Variants in LTBP4 observed in about 807,000 individuals in gnomAD.
The protein encoded by LTBP4 is latent transforming growth factor beta binding protein 4.
Under a neutral mutation model 180.2 loss-of-function variants are expected in LTBP4, and 93 were observed. The observed-to-expected ratio is 0.52, with a 90% CI of 0.44 to 0.61. The LOEUF is 0.61. LTBP4 is among the 20% of genes least tolerant of loss of function. LTBP4 has a pLI of 0.00. For missense variants in LTBP4, 2,116 were observed against 2,256.5 expected, an observed-to-expected ratio of 0.94 and a Z score of 1.26; for synonymous variants, 947 against 934.5, an observed-to-expected ratio of 1.01 and a Z score of -0.24.
Position 40,609,485 on chromosome 19 carries a change from G to A in LTBP4, c.1427-45G>A, listed in dbSNP as rs771955051. ...GGGGTTTTACTGGGATGAAAGGAAC[G>A]GAGGATTCAGAGATGGGGGAACCCT... On this transcript the variant is annotated intron_variant, in intron 9 of 29. Transcript: ENST00000396819. This position sits in a 1 kb window ranked among gnomAD's most constrained non-coding sequence, Gnocchi z 4.9. The A allele has an allele frequency of 1.9e-4, 298 of 1,600,124 alleles. 1 individual carries two copies. Among genetic ancestry groups the A allele is most frequent in the Non-Finnish European group, 2.5e-4 (292 of 1,169,760 alleles).
In LTBP4 at chr19:40,605,230, A is replaced by C; in HGVS notation, c.442+4A>C. 6.3e-7 allele frequency: 1 copy of C among 1,586,032 alleles called. No homozygotes were observed. The highest frequency in any genetic ancestry group is 8.6e-7 in the Non-Finnish European group (1 of 1,165,894). On this transcript the variant is annotated splice_donor_region_variant and intron_variant, in intron 2 of 29. Coordinates refer to ENST00000396819, the MANE Select transcript of LTBP4 (RefSeq NM_001042545.2). The surrounding 1 kb of genome is among the most constrained non-coding windows in gnomAD (Gnocchi z 5.5). Reference sequence around the variant, plus strand: ...AACCACCGCGACGACGAGCACGGTGAGGAAAGGGTGGCCAGAGTCCCCTCC... The same window carrying C: ...AACCACCGCGACGACGAGCACGGTGCGGAAAGGGTGGCCAGAGTCCCCTCC...
chr19:40,627,621 T>C, intron 28 of LTBP4, 84 bp from the exon 29 acceptor site: 1 of 1,506,482 alleles, frequency 6.6e-7, no homozygotes, highest in East Asian at 2.5e-5. Context: ...GCGAGAAAGA[T>C]GGAGCCAAGG....
At position 40,616,920 on chromosome 19, in the gene LTBP4, G is replaced by C; in HGVS notation, c.2844G>C (p.Glu948Asp). The C allele has an allele frequency of 6.2e-7, 1 of 1,614,010 alleles. No homozygotes were observed. The highest frequency in any genetic ancestry group is 8.5e-7 in the Non-Finnish European group (1 of 1,179,898). ...DVDECQEYGP[E>D]ICGAQRCENT... Reference sequence around the variant, plus strand: ...ATGAGTGCCAAGAATATGGTCCCGAGATTTGTGGAGCCCAGCGTTGTGAGA... The same window carrying C: ...ATGAGTGCCAAGAATATGGTCCCGACATTTGTGGAGCCCAGCGTTGTGAGA... Residue 948 changes from glutamate (E) to aspartate (D), a missense_variant, in exon 20 of 30, where the codon GAG becomes GAC. This residue lies in a region of LTBP4 where 877 missense variants were observed against 873.6 expected (regional missense o/e 1.00). Transcript: ENST00000396819.
At chr19:40,597,218 ACTCGGCGCCCGACAC>A (rs2081395532), upstream of LTBP4, 2 of 1,464,918 alleles carry the variant, frequency 1.4e-6, no homozygotes, top group South Asian at 2.7e-5. Context: ...CCGGAGCGGG[ACTCGGCGCCCGACAC>A]GATGCCGAGG....
chr19:40,601,684 A>G (rs1190798995), intron 1 of LTBP4, 47 bp downstream of exon 1: 7 of 1,290,116 alleles, frequency 5.4e-6, no homozygotes, highest in Non-Finnish European at 6.9e-6. Flanking sequence ...GGGGGGGAGG[A>G]GGATCCCTGG....
chr19:40,605,266 A>C lies in LTBP4; in HGVS notation c.442+40A>C, dbSNP rs2081450996. On this transcript the variant is annotated intron_variant, in intron 2 of 29. Transcript: ENST00000396819. The surrounding 1 kb of genome is among the most constrained non-coding windows in gnomAD (Gnocchi z 5.5). ...GCCAGAGTCCCCTCCGACCCCTGTC[A>C]AGCATTTCACTTTGCCCCTGACCCT... 1.3e-6 allele frequency: 2 copies of C among 1,560,944 alleles called. No homozygotes were observed. The highest frequency in any genetic ancestry group is 2.3e-5 in the South Asian group (2 of 86,210).
intron 1 of LTBP4, among the ~76,000 whole-genome samples, chr19:40,595,345 C>G (rs982242138): frequency 3.3e-5 from 5 of 151,996 alleles, no homozygotes; most frequent in African/African-American, 1.2e-4. Context: ...TTCTCAAGGC[C>G]CTAGGCTTCA....
At chr19:40,606,560 C>CGCCCTCCCT (rs2081464032) in intron 6 of LTBP4, 34 bp downstream of exon 6, 1 of 1,543,984 alleles carries the variant, frequency 6.5e-7, no homozygotes, top group Non-Finnish European at 8.7e-7. Flanking sequence ...GGCTGGGTCC[C>CGCCCTCCCT]GCCCTCCCTG....
In LTBP4 at chr19:40,613,483, T is replaced by G. The variant is rs1717535701; in HGVS notation, c.2511T>G (p.Thr837=). 2.5e-6 allele frequency: 4 copies of G among 1,590,530 alleles called. 1 individual carries two copies. In the South Asian group the frequency reaches 4.6e-5, roughly 18 times the overall value. Residue 837 remains threonine (T), a synonymous_variant, in exon 17 of 30, where the codon ACT becomes ACG. Coordinates refer to ENST00000396819, the MANE Select transcript of LTBP4 (RefSeq NM_001042545.2). The surrounding 1 kb of genome is among the most constrained non-coding windows in gnomAD (Gnocchi z 5.0). ...CLNTDGSFAC[T]CAPGYRPGPR... ...ACACTGACGGCTCCTTTGCCTGTAC[T>G]TGTGCCCCTGGCTACCGACCCGGAC...
In LTBP4 at chr19:40,626,993, G is replaced by A; in HGVS notation, c.4004G>A (p.Cys1335Tyr). ...AQDSDDFEAL[C>Y]NVLRPPAYSP... ...TTCCCAGATGACTTCGAGGCCCTGT[G>A]CAATGTGCTACGCCCCCCCGCATAT... is the stretch of plus-strand genomic sequence containing the variant. The change falls in exon 28 of 30, where the codon TGC becomes TAC. Residue 1335 changes from cysteine (C) to tyrosine (Y), a missense_variant. Coordinates refer to ENST00000396819, the MANE Select transcript of LTBP4 (RefSeq NM_001042545.2). The A allele has an allele frequency of 6.4e-7, 1 of 1,574,176 alleles. No individual in the cohort carries two copies. Among genetic ancestry groups the A allele is most frequent in the Non-Finnish European group, 8.6e-7 (1 of 1,156,370 alleles).
chr19:40,599,447 C>A (rs1374073606), upstream of LTBP4: 2 of 1,613,976 alleles, frequency 1.2e-6, no homozygotes, highest in South Asian at 2.2e-5. Flanking sequence ...AAGCTGCCAG[C>A]CCAAAAAGTG....
intron 26 of LTBP4, among the ~76,000 whole-genome samples, 177 bp downstream of exon 26, chr19:40,624,259 G>A (rs982415426): frequency 2.0e-5 from 3 of 149,876 alleles, no homozygotes; most frequent in African/African-American, 7.5e-5. Flanking sequence ...TCTCTGAGGC[G>A]AGCTGGCTAG....
intron 19 of LTBP4, 69 bp downstream of exon 19, chr19:40,614,515 TGAG>T: frequency 3.9e-6 from 6 of 1,531,466 alleles, no homozygotes; most frequent in Non-Finnish European, 5.3e-6. Flanking sequence ...CCTTGGGGAC[TGAG>T]GAGGGGCGCC....
At position 40,629,289 on chromosome 19, in the gene LTBP4, C is replaced by T; in HGVS notation, c.4520-107C>T. 1 of 1,488,124 alleles carries T rather than the reference C, an allele frequency of 6.7e-7. No individual in the cohort carries two copies. Among genetic ancestry groups the T allele is most frequent in the Non-Finnish European group, 9.3e-7 (1 of 1,072,624 alleles). 92.2% of individuals were successfully genotyped at this position (1,488,124 alleles called of 1,614,324 possible). Reference sequence around the variant, plus strand: ...AGATGGCAGAGGCCAGATTGGACTCCAAACTGCTCAGCATCTGTGCTCCTC... The same window carrying T: ...AGATGGCAGAGGCCAGATTGGACTCTAAACTGCTCAGCATCTGTGCTCCTC... On this transcript the variant is annotated intron_variant, in intron 29 of 29. Transcript: ENST00000396819. The surrounding 1 kb of genome is among the most constrained non-coding windows in gnomAD (Gnocchi z 4.5).
chr19:40,612,322 C>T (rs1287827863), intron 15 of LTBP4, 130 bp downstream of exon 15: 1 of 1,253,556 alleles, frequency 8.0e-7, no homozygotes, highest in African/African-American at 1.5e-5. Context: ...GAGCCTGTGA[C>T]TCCTGACCCT....
intron 1 of LTBP4, 36 bp downstream of exon 1, chr19:40,601,673 C>CG (rs1012745583): frequency 1.7e-5 from 23 of 1,316,656 alleles, no homozygotes; most frequent in East Asian, 6.2e-5. Context: ...AGAGCGGCTC[C>CG]GGGGGGGAGG....
intron 11 of LTBP4, 113 bp from the exon 12 acceptor site, chr19:40,610,419 C>A: frequency 5.3e-6 from 7 of 1,320,486 alleles, no homozygotes; most frequent in Non-Finnish European, 7.2e-6. Flanking sequence ...GGTCCCCATC[C>A]TGGCTCTGGC....
intron 6 of LTBP4, 106 bp from the exon 7 acceptor site, chr19:40,607,259 C>T (rs939685858): frequency 3.1e-6 from 2 of 640,242 alleles, no homozygotes; most frequent in Non-Finnish European, 2.5e-6. Context: ...TCGCACCCAC[C>T]AACCCCCCAC....
At chr19:40,618,434 T>C (rs1373202729) in intron 21 of LTBP4, among the ~76,000 whole-genome samples, 5 of 152,120 alleles carry the variant, frequency 3.3e-5, no homozygotes, top group Non-Finnish European at 7.4e-5. Context: ...TAATTTTTTG[T>C]ACTTTGAGTA....
Sources: allele counts gnomAD v4.1 joint callset (sites outside exome capture counted in the v4.1 genomes callset), GRCh38; gene constraint gnomAD v4.1.1; regional missense constraint gnomAD v4.1.1; non-coding constraint Gnocchi (gnomAD v3.1); transcripts MANE v1.5; gene names NCBI Gene and HGNC (gene_info 2026-07-23, HGNC 2026-07-21).